The following ARHGAP26 variants were observed in gnomAD, a reference collection of about 807,000 sequenced individuals.
ARHGAP26 encodes Rho GTPase activating protein 26.
A neutral mutation model predicts 104.8 loss-of-function variants in ARHGAP26; 38 were observed. The observed-to-expected ratio is 0.36, with a 90% CI of 0.28 to 0.48. The LOEUF (loss-of-function observed/expected upper bound fraction) is 0.48, where lower values mean the gene tolerates loss of function less well. Ranked by LOEUF, ARHGAP26 falls within the 20% of genes least tolerant of loss-of-function variation. The pLI is 0.99. For missense variants in ARHGAP26, 704 were observed against 947.9 expected (o/e 0.74, Z 3.38); for synonymous variants, 341 against 340.0 (o/e 1.00, Z -0.03).
intron 16 of ARHGAP26, 52 bp from the exon 17 acceptor site, chr5:143,057,590 A>T: frequency 6.8e-7 from 1 of 1,477,496 alleles, no homozygotes; most frequent in Non-Finnish European, 9.4e-7. Flanking sequence ...TCAACCTTAA[A>T]GTTGTTTAGC....
chr5:143,180,093 T>G (rs1804082920), intron 20 of ARHGAP26, among the ~76,000 whole-genome samples: 1 of 152,150 alleles, frequency 6.6e-6, no homozygotes, highest in Admixed American at 6.5e-5. Flanking sequence ...TAAGAGTTCT[T>G]ATTTCAGAGA....
chr5:143,174,619 G>A (rs1313830942), intron 20 of ARHGAP26, among the ~76,000 whole-genome samples: 15 of 152,182 alleles, frequency 9.9e-5, no homozygotes, highest in Admixed American at 9.8e-4. Flanking sequence ...AAAAATTAAA[G>A]AGAGAAAATG....
rs936309849 is a variant in ARHGAP26, at chr5:143,197,917, A to G, written c.1989-9281A>G. ...TAGTAGCATAAAATCGTATAGGCCCATGATAAATTCCTAACAGTATAAATA... is the reference window on the plus strand; with the variant it reads ...TAGTAGCATAAAATCGTATAGGCCCGTGATAAATTCCTAACAGTATAAATA... On this transcript the variant is annotated intron_variant, in intron 20 of 22. Coordinates refer to ENST00000645722, the MANE Select transcript of ARHGAP26 (RefSeq NM_001135608.3). Among the ~76,000 whole-genome samples the G allele has an allele frequency of 3.4e-4, 52 of 152,352 alleles. 1 individual carries two copies. The highest frequency in any genetic ancestry group is 1.2e-3 in the African/African-American group (49 of 41,586).
Position 142,957,131 on chromosome 5 carries a change from C to T in ARHGAP26, c.1107+25006C>T, listed in dbSNP as rs79527602. 2.5e-3 allele frequency among the ~76,000 whole-genome samples: 377 copies of T among 152,208 alleles called. 9 individuals carry two copies. In the East Asian group the frequency reaches 0.042, roughly 17 times the overall value. Reference sequence around the variant, plus strand: ...ACACAGGAGTTGATGACTTGATGGGCACTTGAAAAGAGTGATTTGAATCAA... The same window carrying T: ...ACACAGGAGTTGATGACTTGATGGGTACTTGAAAAGAGTGATTTGAATCAA... On this transcript the variant is annotated intron_variant, in intron 11 of 22. Coordinates refer to ENST00000645722, the MANE Select transcript of ARHGAP26 (RefSeq NM_001135608.3).
chr5:143,205,941 G>C (rs115638139), intron 20 of ARHGAP26, among the ~76,000 whole-genome samples: 1 of 152,174 alleles, frequency 6.6e-6, no homozygotes, highest in African/African-American at 2.4e-5. Flanking sequence ...AAAAATATAC[G>C]TAATGGAATT....
intron 20 of ARHGAP26, among the ~76,000 whole-genome samples, chr5:143,153,639 A>G (rs1442338732): frequency 6.6e-6 from 1 of 152,218 alleles, no homozygotes; most frequent in Non-Finnish European, 1.5e-5. Flanking sequence ...AAAGATTGAA[A>G]GAAAGCTAGG....
chr5:142,806,476 TGTGTGTG>T, intron 1 of ARHGAP26, among the ~76,000 whole-genome samples: 2 of 632 alleles, frequency 3.2e-3, no homozygotes, highest in African/African-American at 0.014. Context: ...CAATGAAATG[TGTGTGTG>T]TGTGTGTGTG....
chr5:142,837,277 T>A (rs1769773924), intron 1 of ARHGAP26, among the ~76,000 whole-genome samples: 1 of 152,068 alleles, frequency 6.6e-6, no homozygotes, highest in African/African-American at 2.4e-5. Context: ...CAGTGGAGGA[T>A]ACTCTATTGG....
chr5:143,106,090 G>A (rs567757194), intron 17 of ARHGAP26, among the ~76,000 whole-genome samples: 4 of 152,136 alleles, frequency 2.6e-5, no homozygotes, highest in Non-Finnish European at 5.9e-5. Flanking sequence ...TTTGTTGTTT[G>A]TCTTGTTTCC....
At chr5:142,847,638 T>A (rs1164174592) in intron 1 of ARHGAP26, among the ~76,000 whole-genome samples, 1 of 152,230 alleles carries the variant, frequency 6.6e-6, no homozygotes, top group Non-Finnish European at 1.5e-5. Context: ...ATTATAGGCG[T>A]GAGCCACCGT....
At chr5:143,068,595 C>T (rs1787839423) in intron 17 of ARHGAP26, among the ~76,000 whole-genome samples, 2 of 152,214 alleles carry the variant, frequency 1.3e-5, no homozygotes, top group Admixed American at 6.5e-5. Flanking sequence ...ACTTTTCTGT[C>T]TCTACTAAAT....
intron 11 of ARHGAP26, among the ~76,000 whole-genome samples, chr5:142,983,733 C>G (rs987961921): frequency 1.2e-4 from 19 of 152,140 alleles, no homozygotes; most frequent in African/African-American, 4.1e-4. Flanking sequence ...TATCACTCAT[C>G]TTAGAAAACA....
intron 3 of ARHGAP26, among the ~76,000 whole-genome samples, chr5:142,878,501 C>T (rs1756457083): frequency 6.6e-6 from 1 of 151,670 alleles, no homozygotes; most frequent in Admixed American, 6.6e-5. Context: ...GCAAAGTGAG[C>T]CTTTACAAGA....
At chr5:142,971,128 C>T (rs987772547) in intron 11 of ARHGAP26, among the ~76,000 whole-genome samples, 3 of 151,924 alleles carry the variant, frequency 2.0e-5, no homozygotes, top group African/African-American at 4.8e-5. Flanking sequence ...TATAATGATA[C>T]TTAATGTGGT....
intron 20 of ARHGAP26, among the ~76,000 whole-genome samples, chr5:143,159,499 G>GA (rs1198843364): frequency 1.3e-5 from 2 of 152,206 alleles, no homozygotes; most frequent in East Asian, 1.9e-4. Context: ...ATTAAAGGGG[G>GA]AAAAAATGGT....
At position 143,144,851 on chromosome 5, in the gene ARHGAP26, G is replaced by A. The variant is rs952411144; in HGVS notation, c.1838-2380G>A. On this transcript the variant is annotated intron_variant, in intron 19 of 22. Coordinates refer to ENST00000645722, the MANE Select transcript of ARHGAP26 (RefSeq NM_001135608.3). ...AATAATCCTCACCTGCCTACTTACCGTCAGTAAAGATTGTCAGCCTTTTGG... is the reference window on the plus strand; with the variant it reads ...AATAATCCTCACCTGCCTACTTACCATCAGTAAAGATTGTCAGCCTTTTGG... Among the ~76,000 whole-genome samples the A allele has an allele frequency of 5.9e-5, 9 of 152,154 alleles. No homozygotes were observed. In the East Asian group the frequency reaches 9.6e-4, roughly 16 times the overall value.
intron 17 of ARHGAP26, among the ~76,000 whole-genome samples, chr5:143,069,953 G>A (rs909661981): frequency 6.6e-6 from 1 of 152,168 alleles, no homozygotes; most frequent in East Asian, 1.9e-4. Context: ...CTTCCCAAAG[G>A]CCTGGGCTCC....
chr5:143,099,624 C>A (rs1262131502), intron 17 of ARHGAP26, among the ~76,000 whole-genome samples: 3 of 152,228 alleles, frequency 2.0e-5, no homozygotes, highest in Non-Finnish European at 4.4e-5. Context: ...CTCTTGTATA[C>A]TCACTCTGTG....
chr5:143,167,482 C>CAAAAAAAAAAAA lies in ARHGAP26; in HGVS notation c.1988+20126_1988+20137dup, dbSNP rs6149274. On this transcript the variant is annotated intron_variant, in intron 20 of 22. Coordinates refer to ENST00000645722, the MANE Select transcript of ARHGAP26 (RefSeq NM_001135608.3). ...TGCATGACAGAGCAAGACTCCATCT[C>CAAAAAAAAAAAA]AAAAAAAAAAAAAAAAAAAAAAAAA... 2.5e-4 allele frequency among the ~76,000 whole-genome samples: 15 copies of CAAAAAAAAAAAA among 60,084 alleles called. 1 individual carries two copies. The highest frequency in any genetic ancestry group is 8.4e-4 in the African/African-American group (10 of 11,956). The allele number at this position is 60,084 out of a possible 152,430, so 39.4% of individuals were successfully genotyped here.
Sources: allele counts gnomAD v4.1 joint callset (sites outside exome capture counted in the v4.1 genomes callset), GRCh38; gene constraint gnomAD v4.1.1; transcripts MANE v1.5; gene names NCBI Gene and HGNC (gene_info 2026-07-23, HGNC 2026-07-21).